The following MBD1 variants were observed in gnomAD, a reference collection of about 807,000 sequenced individuals.
MBD1 encodes methyl-CpG binding domain protein 1.
In MBD1, 25 loss-of-function variants were observed where a neutral mutation model predicts 82.6. The observed-to-expected ratio is 0.30, with a 90% confidence interval of 0.22 to 0.42. The LOEUF (loss-of-function observed/expected upper bound fraction) is 0.42, where lower values mean the gene tolerates loss of function less well. MBD1 is among the 10% of genes least tolerant of loss of function. The pLI is 1.00. For synonymous variants in MBD1, 301 were observed against 303.7 expected, an observed-to-expected ratio of 0.99 and a Z score of 0.09; for missense variants, 627 against 819.6, an observed-to-expected ratio of 0.76 and a Z score of 2.87.
At chr18:50,267,555 G>C (rs1244287046), downstream of MBD1, 8 of 1,387,430 alleles carry the variant, frequency 5.8e-6, no homozygotes, top group Non-Finnish European at 5.9e-6. Context: ...TGGTTTCTGA[G>C]AATCAGGATC....
intron 2 of MBD1, among the ~76,000 whole-genome samples, chr18:50,277,406 T>C (rs1181428381): frequency 1.3e-5 from 2 of 151,988 alleles, no homozygotes; most frequent in Non-Finnish European, 2.9e-5. Flanking sequence ...AGAAACAATA[T>C]AAATGTAAAC....
chr18:50,281,560 C>T, upstream of MBD1: 1 of 575,380 alleles, frequency 1.7e-6, no homozygotes, highest in Non-Finnish European at 3.1e-6. Context: ...TCGGGCTCCG[C>T]CTCTGGCTAA....
intron 2 of MBD1, among the ~76,000 whole-genome samples, chr18:50,278,231 C>T (rs1408412075): frequency 2.6e-5 from 4 of 152,178 alleles, no homozygotes; most frequent in Non-Finnish European, 5.9e-5. Context: ...GCACACAATT[C>T]AAAACTAATG....
At chr18:50,268,837 G>A, downstream of MBD1, 2 of 854,308 alleles carry the variant, frequency 2.3e-6, no homozygotes, top group Non-Finnish European at 2.8e-6. Flanking sequence ...GAAACACTAA[G>A]CATGTAAGTA....
chr18:50,277,805 G>T (rs1056820115), intron 2 of MBD1, among the ~76,000 whole-genome samples: 2 of 152,050 alleles, frequency 1.3e-5, no homozygotes, highest in Non-Finnish European at 2.9e-5. Flanking sequence ...AGGAGGAAGG[G>T]AAAGTATACT....
intron 13 of MBD1, 170 bp from the exon 14 acceptor site, chr18:50,273,125 T>A: frequency 8.3e-7 from 1 of 1,197,846 alleles, no homozygotes; most frequent in African/African-American, 1.5e-5. Context: ...CTCACTGACC[T>A]CCGTTTTTCT....
downstream of MBD1, among the ~76,000 whole-genome samples, chr18:50,267,932 C>A (rs1346081602): frequency 6.6e-6 from 1 of 152,236 alleles, no homozygotes; most frequent in East Asian, 1.9e-4. Flanking sequence ...TTTTCAGCCA[C>A]GAAATAATGT....
intron 11 of MBD1, 102 bp downstream of exon 11, chr18:50,274,084 A>G: frequency 6.6e-7 from 1 of 1,507,900 alleles, no homozygotes; most frequent in African/African-American, 1.4e-5. Context: ...AACCAAAGCT[A>G]CTGCCCCACC....
chr18:50,269,041 A>C lies in MBD1; in HGVS notation c.*810T>G, dbSNP rs1158823270. On this transcript the variant is annotated 3_prime_UTR_variant, in exon 17 of 17. Transcript: ENST00000269468. ...GAAATCCATTCACCATTTGTAATAC[A>C]TATTGATGCATTTAATAAAATTGCA... 1.0e-6 allele frequency: 1 copy of C among 986,994 alleles called. No homozygotes were observed. Among genetic ancestry groups the C allele is most frequent in the East Asian group, 1.1e-4 (1 of 8,868 alleles). 61.1% of individuals were successfully genotyped at this position (986,994 alleles called of 1,614,324 possible). A position where few individuals can be genotyped will look rare whatever the true frequency, so the allele number is the denominator to read the frequency against.
At chr18:50,277,497 C>T (rs1418431608) in intron 2 of MBD1, among the ~76,000 whole-genome samples, 1 of 151,228 alleles carries the variant, frequency 6.6e-6, no homozygotes, top group Non-Finnish European at 1.5e-5. Context: ...AATAGGAACA[C>T]AAATATATTA....
In MBD1 at chr18:50,273,344, C is replaced by T. The variant is rs201485722; in HGVS notation, c.1574G>A (p.Cys525Tyr). The T allele has an allele frequency of 1.2e-6, 2 of 1,614,124 alleles. No individual in the cohort carries two copies. The highest frequency in any genetic ancestry group is 1.7e-6 in the Non-Finnish European group (2 of 1,180,030). The change falls in exon 13 of 17, where the codon TGC (cysteine) becomes TAC (tyrosine). Residue 525 changes from cysteine (C) to tyrosine (Y), a missense_variant. By Grantham distance (194) the Cys-to-Tyr change is radical (BLOSUM62 -2). Transcript: ENST00000269468. ...CATCACTGCCCCCACCTTGCTAGGG[C>T]AGCCAGGCACCAATACGGGAGAAGT... ...VLTSPVLVPGCPSKAVDPGLP... is the reference protein window; with the variant it reads ...VLTSPVLVPGYPSKAVDPGLP...
chr18:50,281,561 C>G, upstream of MBD1: 1 of 575,508 alleles, frequency 1.7e-6, no homozygotes. Flanking sequence ...CGGGCTCCGC[C>G]TCTGGCTAAG....
intron 10 of MBD1, 81 bp from the exon 11 acceptor site, chr18:50,274,434 G>A: frequency 6.8e-7 from 1 of 1,472,668 alleles, no homozygotes. Flanking sequence ...GCTGGTCCTG[G>A]TGCTCCTCTA....
At position 50,274,299 on chromosome 18, in the gene MBD1, G is replaced by A. The variant is rs2036830677; in HGVS notation, c.1033C>T (p.Leu345=). 1 of 1,613,880 alleles carries A rather than the reference G, an allele frequency of 6.2e-7. No homozygotes were observed. The highest frequency in any genetic ancestry group is 8.5e-7 in the Non-Finnish European group (1 of 1,180,032). ...CAGCGGCCACAGTCCATCCGCCGTA[G>A]GCAGGCTGCACAGGCCCCGCACTTG... ...NRKCGACAAC[L]RRMDCGRCDF... is the part of the protein sequence containing the mutation. The change falls in exon 11 of 17, where the codon CTA becomes TTA. Residue 345 remains leucine, a synonymous_variant. Coordinates refer to ENST00000269468, the MANE Select transcript of MBD1 (RefSeq NM_015846.4).
In MBD1 at chr18:50,273,644, G is replaced by C. The variant is rs915503821; in HGVS notation, c.1366C>G (p.Leu456Val). The C allele has an allele frequency of 6.2e-7, 1 of 1,613,884 alleles. No homozygotes were observed. Residue 456 changes from leucine (L) to valine (V), a missense_variant, in exon 12 of 17, where the codon CTT becomes GTT. Leu to Val is a conservative substitution (Grantham distance 32). This residue lies in a region of MBD1 where 265 missense variants were observed against 278.4 expected (regional missense o/e 0.95). Coordinates refer to ENST00000269468, the MANE Select transcript of MBD1 (RefSeq NM_015846.4). ...GFVLPPPGTD[L>V]VFLREGASSP... ...CTTGCGCCTTCCCGTAAAAACACAA[G>C]GTCAGTGCCAGGCGGGGGCAGCACA...
Position 50,281,445 on chromosome 18 carries a change from C to CCCTCCTCCCCTTCCTCCTCCT in MBD1, c.-129_-109dup. The CCCTCCTCCCCTTCCTCCTCCT allele has an allele frequency of 1.7e-6, 1 of 592,630 alleles. No homozygotes were observed. Among genetic ancestry groups the CCCTCCTCCCCTTCCTCCTCCT allele is most frequent in the South Asian group, 2.0e-5 (1 of 50,328 alleles). 36.7% of individuals were successfully genotyped at this position (592,630 alleles called of 1,614,324 possible). A position where few individuals can be genotyped will look rare whatever the true frequency, so the allele number is the denominator to read the frequency against. Reference sequence around the variant, plus strand: ...GGTCCCTCCTGCACCTCCCGCCTCGCCCTCCTCCCCTTCCTCCTCCTCCGC... The same window carrying CCCTCCTCCCCTTCCTCCTCCT: ...GGTCCCTCCTGCACCTCCCGCCTCGCCCTCCTCCCCTTCCTCCTCCTCCTCCTCCCCTTCCTCCTCCTCCGC... On this transcript the variant is annotated 5_prime_UTR_variant, in exon 1 of 17. Coordinates refer to ENST00000269468, the MANE Select transcript of MBD1 (RefSeq NM_015846.4).
chr18:50,277,516 T>TATATA (rs2038454974), intron 2 of MBD1, among the ~76,000 whole-genome samples: 3 of 151,472 alleles, frequency 2.0e-5, no homozygotes, highest in Admixed American at 1.3e-4. Flanking sequence ...TATATTTGTG[T>TATATA]TATATATATA....
At chr18:50,277,864 A>C (rs1019170285) in intron 2 of MBD1, among the ~76,000 whole-genome samples, 27 of 152,136 alleles carry the variant, frequency 1.8e-4, no homozygotes, top group African/African-American at 6.0e-4. Context: ...TTTAAAAAAA[A>C]CCTGATTCTC....
At chr18:50,276,572 T>G in intron 5 of MBD1, 90 bp downstream of exon 5, 5 of 1,503,946 alleles carry the variant, frequency 3.3e-6, no homozygotes, top group Non-Finnish European at 2.8e-6. Flanking sequence ...GCCTCTGTCC[T>G]GACATCCACA....
Sources: gnomAD v4.1 joint callset for allele counts (sites outside exome capture counted in the v4.1 genomes callset) on GRCh38, gnomAD v4.1.1 for gene constraint, gnomAD v4.1.1 regional missense constraint, MANE v1.5 for transcripts, NCBI Gene and HGNC (gene_info 2026-07-23, HGNC 2026-07-21) for gene names.